SLIRP: variants seen among roughly 807,000 people sequenced by gnomAD.
SLIRP encodes the protein SRA stem-loop interacting RNA binding protein.
SLIRP carries 12 observed loss-of-function variants against 13.4 expected under a neutral mutation model. That is an observed-to-expected ratio of 0.89 (90% CI 0.57 to 1.45). SLIRP has a LOEUF of 1.45. SLIRP is among the 40% of genes most tolerant of loss of function. The probability of loss-of-function intolerance (pLI) is 0.00; values close to 1 mark genes in which losing one functional copy is unlikely to be tolerated. For missense variants in SLIRP, 154 were observed against 132.2 expected (o/e 1.17, Z -0.81); for synonymous variants, 55 against 47.1 (o/e 1.17, Z -0.69).
intron 1 of SLIRP, chr14:77,710,564 T>C: frequency 1.4e-6 from 2 of 1,453,392 alleles, no homozygotes; most frequent in Non-Finnish European, 1.8e-6. Flanking sequence ...GGGATCATAG[T>C]CCACATAGCA....
chr14:77,715,722 A>C, intron 2 of SLIRP, 50 bp from the exon 3 acceptor site: 1 of 1,490,532 alleles, frequency 6.7e-7, no homozygotes, highest in South Asian at 1.2e-5. Context: ...GAACTCATGG[A>C]AACTTTCTGA....
chr14:77,711,276 T>C (rs1209141625), intron 2 of SLIRP, among the ~76,000 whole-genome samples: 1 of 149,160 alleles, frequency 6.7e-6, no homozygotes, highest in Non-Finnish European at 1.5e-5. Flanking sequence ...CCCAAATAAA[T>C]ATATACACCT....
chr14:77,717,545 AAAAG>A lies in SLIRP; in HGVS notation c.320_323del (p.Lys107IlefsTer8), dbSNP rs1257230305. ...AAACTTCCGCAAACATCTGATGATGAAAAGAAAGATTTTTGAGACTGCAGCCTAT... is the reference window on the plus strand; with the variant it reads ...AAACTTCCGCAAACATCTGATGATGAAAAGATTTTTGAGACTGCAGCCTAT... On this transcript the variant is annotated frameshift_variant, in exon 4 of 4. Coordinates refer to ENST00000557342, the MANE Select transcript of SLIRP (RefSeq NM_031210.6). LOFTEE classifies it high-confidence loss of function. 15 of 1,613,892 alleles carry A rather than the reference AAAAG, an allele frequency of 9.3e-6. No homozygotes were observed. The highest frequency in any genetic ancestry group is 7.7e-5 in the South Asian group (7 of 91,056).
At chr14:77,709,177 C>A (rs1337821698) in intron 1 of SLIRP, among the ~76,000 whole-genome samples, 1 of 152,182 alleles carries the variant, frequency 6.6e-6, no homozygotes, top group Non-Finnish European at 1.5e-5. Context: ...GTTCTGAAAT[C>A]TTTCACCACC....
At chr14:77,715,395 C>A (rs2544566) in intron 2 of SLIRP, among the ~76,000 whole-genome samples, 1 of 151,670 alleles carries the variant, frequency 6.6e-6, no homozygotes, top group Non-Finnish European at 1.5e-5. Flanking sequence ...TGTAATTTCA[C>A]TACTTTGGGA....
Position 77,708,139 on chromosome 14 carries a change from G to T in SLIRP, c.28G>T (p.Ala10Ser). The T allele has an allele frequency of 1.9e-6, 3 of 1,614,016 alleles. No homozygotes were observed. Among genetic ancestry groups the T allele is most frequent in the Non-Finnish European group, 1.7e-6 (2 of 1,179,872 alleles). ...GGCGGCCTCAGCAGCGAGAGGTGCT[G>T]CGGCGCTGCGTAGAAGTATCAATCA... MAASAARGAAALRRSINQPV... is the reference protein window; with the variant it reads MAASAARGASALRRSINQPV... Residue 10 changes from alanine (A) to serine (S), a missense_variant, in exon 1 of 4, where the codon GCG becomes TCG. By Grantham distance (99) the Ala-to-Ser change is moderately conservative (BLOSUM62 1). Transcript: ENST00000557342.
At chr14:77,708,575 C>T (rs1446356495) in intron 1 of SLIRP, among the ~76,000 whole-genome samples, 1 of 152,150 alleles carries the variant, frequency 6.6e-6, no homozygotes, top group Non-Finnish European at 1.5e-5. Flanking sequence ...TTACTTAAAA[C>T]GTGAGGACCT....
At chr14:77,716,796 T>G (rs1194709007) in intron 3 of SLIRP, among the ~76,000 whole-genome samples, 1 of 152,028 alleles carries the variant, frequency 6.6e-6, no homozygotes, top group Non-Finnish European at 1.5e-5. Flanking sequence ...AGTCTTGCTC[T>G]TGTTGCCCAG....
At chr14:77,708,442 A>T (rs1462210563) in intron 1 of SLIRP, among the ~76,000 whole-genome samples, 1 of 152,142 alleles carries the variant, frequency 6.6e-6, no homozygotes, top group Non-Finnish European at 1.5e-5. Context: ...TGGTGTAAAG[A>T]TTTATTACTT....
chr14:77,716,500 A>T (rs577204896), intron 3 of SLIRP: 8 of 151,466 alleles, frequency 5.3e-5, no homozygotes, highest in African/African-American at 1.9e-4. Context: ...ATACAAAAAA[A>T]ATTAGATGGG....
At chr14:77,708,311 G>A (rs1424620187) in intron 1 of SLIRP, 103 bp downstream of exon 1, 4 of 1,154,678 alleles carry the variant, frequency 3.5e-6, no homozygotes, top group African/African-American at 3.0e-5. Context: ...GGCTGAATTA[G>A]GAGACTGCTC....
At chr14:77,709,317 G>A (rs2080421840) in intron 1 of SLIRP, among the ~76,000 whole-genome samples, 2 of 152,202 alleles carry the variant, frequency 1.3e-5, no homozygotes, top group Non-Finnish European at 1.5e-5. Context: ...AATGGAGCAA[G>A]ATTTAGTTTC....
At chr14:77,715,018 G>C (rs2080465738) in intron 2 of SLIRP, among the ~76,000 whole-genome samples, 1 of 152,010 alleles carries the variant, frequency 6.6e-6, no homozygotes, top group African/African-American at 2.4e-5. Context: ...TTGAGTAAGG[G>C]CTAAATATTA....
intron 3 of SLIRP, 24 bp downstream of exon 3, chr14:77,715,903 A>T: frequency 6.6e-7 from 1 of 1,525,382 alleles, no homozygotes; most frequent in Non-Finnish European, 9.1e-7. Flanking sequence ...TATGCCAGAT[A>T]CATACATGAT....
At chr14:77,713,977 A>AT (rs139514744) in intron 2 of SLIRP, among the ~76,000 whole-genome samples, 6,131 of 152,170 alleles carry the variant, frequency 0.04, 187 homozygotes, top group Non-Finnish European at 0.061. Context: ...CAAAAAAAAT[A>AT]TTTTTTTGTT....
chr14:77,713,197 ATAAC>A (rs771430933), intron 2 of SLIRP, among the ~76,000 whole-genome samples: 1 of 152,180 alleles, frequency 6.6e-6, no homozygotes, highest in Non-Finnish European at 1.5e-5. Context: ...TTTTAGATTT[ATAAC>A]TAATAAAACA....
chr14:77,708,491 CTG>C (rs1223279295), intron 1 of SLIRP, among the ~76,000 whole-genome samples: 1 of 152,078 alleles, frequency 6.6e-6, no homozygotes, highest in African/African-American at 2.4e-5. Flanking sequence ...ATAATTTTGA[CTG>C]TAGTGTGGAG....
intron 2 of SLIRP, among the ~76,000 whole-genome samples, chr14:77,713,480 C>T (rs905931764): frequency 2.6e-5 from 4 of 152,104 alleles, no homozygotes; most frequent in Admixed American, 6.5e-5. Flanking sequence ...TATATAGTGC[C>T]GGTGAAGGTG....
At chr14:77,710,989 G>A (rs2080435875) in intron 2 of SLIRP, 93 bp downstream of exon 2, 4 of 1,010,800 alleles carry the variant, frequency 4.0e-6, no homozygotes, top group African/African-American at 1.6e-5. Flanking sequence ...GTACAACAGG[G>A]TGACTATGGT....
Sources: gnomAD v4.1 joint callset for allele counts (sites outside exome capture counted in the v4.1 genomes callset) on GRCh38, gnomAD v4.1.1 for gene constraint, MANE v1.5 for transcripts, NCBI Gene and HGNC (gene_info 2026-07-23, HGNC 2026-07-21) for gene names.